VWF: variants seen among roughly 807,000 people sequenced by gnomAD.
VWF encodes von Willebrand factor, also known as Factor VIII related antigen.
VWF carries 176 observed loss-of-function variants against 308.6 expected under a neutral mutation model. That is an observed-to-expected ratio of 0.57 (90% CI 0.50 to 0.65). VWF has a LOEUF of 0.65. VWF is among the 30% of genes least tolerant of loss of function. The pLI, the probability that VWF is intolerant of heterozygous loss-of-function variation, is 0.00. For synonymous variants in VWF, 1,385 were observed against 1,443.4 expected (o/e 0.96, Z 0.92); for missense variants, 3,146 against 3,648.2 (o/e 0.86, Z 3.55).
At chr12:5,976,341 G>A (rs538315234) in intron 42 of VWF, 81 bp from the exon 43 acceptor site, 26 of 1,577,582 alleles carry the variant, frequency 1.6e-5, no homozygotes, top group Middle Eastern at 1.7e-4. Context: ...CACAGAAGCC[G>A]CTCTAAGTGC....
intron 32 of VWF, 119 bp downstream of exon 32, chr12:6,013,362 C>A: frequency 9.2e-6 from 12 of 1,298,976 alleles, no homozygotes; most frequent in Non-Finnish European, 1.2e-5. Context: ...AATCTTCATT[C>A]AAGGCCAAAT....
chr12:6,066,677 A>C (rs1944718981), intron 10 of VWF, among the ~76,000 whole-genome samples: 2 of 152,270 alleles, frequency 1.3e-5, no homozygotes, highest in Non-Finnish European at 2.9e-5. Flanking sequence ...CCTACAGACC[A>C]TCCTATGTGG....
At chr12:5,965,932 A>G (rs558144003) in intron 47 of VWF, among the ~76,000 whole-genome samples, 2 of 152,258 alleles carry the variant, frequency 1.3e-5, no homozygotes, top group African/African-American at 4.8e-5. Context: ...GAGAAAAAGA[A>G]GAAGAATACA....
At chr12:5,961,584 C>A in intron 47 of VWF, among the ~76,000 whole-genome samples, 2 of 107,564 alleles carry the variant, frequency 1.9e-5, no homozygotes, top group South Asian at 3.5e-4. Flanking sequence ...AGGAATCTGC[C>A]CCCTCAAAAA....
At position 5,964,181 on chromosome 12, in the gene VWF, C is replaced by A. The variant is rs1192608298; in HGVS notation, c.7887+3305G>T. Among the ~76,000 whole-genome samples the A allele has an allele frequency of 4.3e-5, 6 of 140,360 alleles. 1 individual carries two copies. The highest frequency in any genetic ancestry group is 4.3e-4 in the Admixed American group (6 of 14,058). The allele number at this position is 140,360 out of a possible 152,430, so 92.1% of individuals were successfully genotyped here. A position where few individuals can be genotyped will look rare whatever the true frequency, so the allele number is the denominator to read the frequency against. ...GCAGTGAGCCGAGATCTCACCACTG[C>A]ACTCCAGCCTGGGCGACAGAGAGAG... On this transcript the variant is annotated intron_variant, in intron 47 of 51. Coordinates refer to ENST00000261405, the MANE Select transcript of VWF (RefSeq NM_000552.5).
chr12:6,031,869 G>C (rs1172225887), intron 20 of VWF, among the ~76,000 whole-genome samples: 1 of 152,246 alleles, frequency 6.6e-6, no homozygotes, highest in Admixed American at 6.5e-5. Flanking sequence ...GGCCTGCTTC[G>C]ATGGATGCAT....
At chr12:5,961,167 G>C (rs936382454) in intron 47 of VWF, among the ~76,000 whole-genome samples, 10 of 152,060 alleles carry the variant, frequency 6.6e-5, no homozygotes, top group African/African-American at 2.4e-4. Context: ...CAAGCTCAGG[G>C]CTCCCACTGA....
intron 40 of VWF, among the ~76,000 whole-genome samples, chr12:5,984,600 C>A (rs933888692): frequency 3.3e-5 from 5 of 152,254 alleles, no homozygotes; most frequent in African/African-American, 1.2e-4. Context: ...AATTCACGGA[C>A]TTATACCATT....
chr12:6,104,930 A>G (rs965161259), intron 5 of VWF, among the ~76,000 whole-genome samples: 11 of 152,208 alleles, frequency 7.2e-5, no homozygotes, highest in African/African-American at 2.4e-4. Flanking sequence ...ATAAGAATGA[A>G]ATCGCATCTT....
rs1944616183 is a variant in VWF at position 6,058,396 on chromosome 12, G to T, written c.1534-352C>A. ...TGGCGGAGCTAGGGTGAGTAGGCAG[G>T]TTGAGCCCAGCCCGAAGCACTCTGC... On this transcript the variant is annotated intron_variant, in intron 13 of 51. Coordinates refer to ENST00000261405, the MANE Select transcript of VWF (RefSeq NM_000552.5). The surrounding 1 kb of genome is among the most constrained non-coding windows in gnomAD (Gnocchi z 4.9). 6.6e-6 allele frequency among the ~76,000 whole-genome samples: 1 copy of T among 152,160 alleles called. No individual in the cohort carries two copies. The highest frequency in any genetic ancestry group is 1.5e-5 in the Non-Finnish European group (1 of 68,022).
At chr12:6,018,111 G>C (rs149808739) in intron 28 of VWF, among the ~76,000 whole-genome samples, 1 of 151,162 alleles carries the variant, frequency 6.6e-6, no homozygotes, top group African/African-American at 2.4e-5. Context: ...GTTAACAATA[G>C]GCTTCCATTA....
rs1297031077 is a variant in VWF at position 6,063,145 on chromosome 12, A to C, written c.1433-91T>G. ...TATTTGGGAGGAAATGGGGTGTCTC[A>C]AAAGGATGGTAGCACTGAAGAGCAA... is the stretch of plus-strand genomic sequence containing the variant. On this transcript the variant is annotated intron_variant, in intron 12 of 51. Coordinates refer to ENST00000261405, the MANE Select transcript of VWF (RefSeq NM_000552.5). The surrounding 1 kb of genome is among the most constrained non-coding windows in gnomAD (Gnocchi z 4.9). 3.6e-5 allele frequency: 38 copies of C among 1,053,648 alleles called. No individual in the cohort carries two copies. The highest frequency in any genetic ancestry group is 2.2e-4 in the Middle Eastern group (1 of 4,630). 65.3% of individuals were successfully genotyped at this position (1,053,648 alleles called of 1,614,324 possible). A position where few individuals can be genotyped will look rare whatever the true frequency, so the allele number is the denominator to read the frequency against.
intron 47 of VWF, among the ~76,000 whole-genome samples, chr12:5,960,942 G>T (rs1352198124): frequency 6.6e-6 from 1 of 152,190 alleles, no homozygotes; most frequent in African/African-American, 2.4e-5. Context: ...AGCTTCATCT[G>T]TATCTACAGC....
At chr12:6,012,738 G>A (rs1209085998) in intron 32 of VWF, among the ~76,000 whole-genome samples, 2 of 145,500 alleles carry the variant, frequency 1.4e-5, no homozygotes, top group African/African-American at 5.1e-5. Context: ...GTCTCACTCT[G>A]TTGCCCAGGC....
Position 6,058,158 on chromosome 12 carries a change from AT to A in VWF, c.1534-115del. Reference sequence around the variant, plus strand: ...AAAAAGTTCCCCGGGTGAAACATAAATATGAATGTAATAAAAGGCAGCTAAG... The same window carrying A: ...AAAAAGTTCCCCGGGTGAAACATAAAATGAATGTAATAAAAGGCAGCTAAG... On this transcript the variant is annotated intron_variant, in intron 13 of 51. Coordinates refer to ENST00000261405, the MANE Select transcript of VWF (RefSeq NM_000552.5). The surrounding 1 kb of genome is among the most constrained non-coding windows in gnomAD (Gnocchi z 4.9). 1 of 1,245,002 alleles carries A rather than the reference AT, an allele frequency of 8.0e-7. No individual in the cohort carries two copies. Among genetic ancestry groups the A allele is most frequent in the Non-Finnish European group, 1.1e-6 (1 of 901,596 alleles). The allele number at this position is 1,245,002 out of a possible 1,614,324, so 77.1% of individuals were successfully genotyped here. A position where few individuals can be genotyped will look rare whatever the true frequency, so the allele number is the denominator to read the frequency against.
At chr12:6,121,529 A>G (rs549525031) in intron 2 of VWF, among the ~76,000 whole-genome samples, 191 bp from the exon 3 acceptor site, 7 of 152,378 alleles carry the variant, frequency 4.6e-5, no homozygotes, top group African/African-American at 1.7e-4. Context: ...ACTCACAGCA[A>G]TAACTAAGGA....
At chr12:5,970,209 C>T (rs1416073360) in intron 44 of VWF, among the ~76,000 whole-genome samples, 1 of 152,206 alleles carries the variant, frequency 6.6e-6, no homozygotes, top group African/African-American at 2.4e-5. Flanking sequence ...TGATTACTCA[C>T]TCACTGAGCC....
chr12:6,041,441 T>A (rs11608523), intron 18 of VWF, among the ~76,000 whole-genome samples: 34,735 of 149,142 alleles, frequency 0.23, 4,227 homozygotes, highest in Non-Finnish European at 0.25. Flanking sequence ...AAAAAATTTT[T>A]AAAAAAAAAA....
chr12:6,002,465 T>C (rs1943881482), intron 34 of VWF, among the ~76,000 whole-genome samples: 1 of 151,970 alleles, frequency 6.6e-6, no homozygotes, highest in African/African-American at 2.4e-5. Context: ...CTAGAGTATA[T>C]ACAAACAATA....
Sources: allele counts gnomAD v4.1 joint callset (sites outside exome capture counted in the v4.1 genomes callset), GRCh38; gene constraint gnomAD v4.1.1; non-coding constraint Gnocchi (gnomAD v3.1); transcripts MANE v1.5; gene names NCBI Gene and HGNC (gene_info 2026-07-23, HGNC 2026-07-21).